ROBO1: variants seen among roughly 807,000 people sequenced by gnomAD.
ROBO1 encodes the protein roundabout guidance receptor 1, also known as roundabout homolog 1.
Under a neutral mutation model 195.9 loss-of-function variants are expected in ROBO1, and 149 were observed. The ratio of observed to expected loss-of-function variants is 0.76; its 90% CI spans 0.67 to 0.87. The LOEUF is 0.87. Ranked by LOEUF, ROBO1 falls within the 40% of genes least tolerant of loss-of-function variation. The probability of loss-of-function intolerance (pLI) is 0.00; values close to 1 mark genes in which losing one functional copy is unlikely to be tolerated. For synonymous variants in ROBO1, 816 were observed against 733.2 expected, an observed-to-expected ratio of 1.11 and a Z score of -1.82; for missense variants, 1,933 against 2,068.3, an observed-to-expected ratio of 0.93 and a Z score of 1.27.
chr3:79,574,473 C>G (rs376344786), intron 2 of ROBO1, among the ~76,000 whole-genome samples: 14 of 151,946 alleles, frequency 9.2e-5, no homozygotes, highest in African/African-American at 3.4e-4. Flanking sequence ...AGTAGTCAAT[C>G]AAAACATACT....
At chr3:79,374,438 C>T (rs985281705) in intron 2 of ROBO1, among the ~76,000 whole-genome samples, 1 of 152,090 alleles carries the variant, frequency 6.6e-6, no homozygotes, top group Non-Finnish European at 1.5e-5. Flanking sequence ...AATCTCCCCT[C>T]AAGCTACTTA....
intron 2 of ROBO1, among the ~76,000 whole-genome samples, chr3:79,474,936 G>A (rs1339163301): frequency 6.6e-6 from 1 of 151,954 alleles, no homozygotes; most frequent in African/African-American, 2.4e-5. Context: ...TAATTGCTAG[G>A]TGATTTTGGA....
intron 2 of ROBO1, among the ~76,000 whole-genome samples, chr3:79,420,318 C>T (rs1264512094): frequency 1.3e-5 from 2 of 152,076 alleles, no homozygotes; most frequent in East Asian, 3.9e-4. Flanking sequence ...TGAGAGTGAA[C>T]TAGAGAATCT....
intron 4 of ROBO1, among the ~76,000 whole-genome samples, chr3:78,799,445 C>G (rs533941792): frequency 6.6e-6 from 1 of 152,010 alleles, no homozygotes; most frequent in Non-Finnish European, 1.5e-5. Context: ...GGGTTCACGC[C>G]ATTCTCCTGC....
intron 4 of ROBO1, among the ~76,000 whole-genome samples, chr3:78,752,631 A>G (rs945013724): frequency 6.6e-6 from 1 of 152,184 alleles, no homozygotes; most frequent in Non-Finnish European, 1.5e-5. Context: ...AACTTTAAAA[A>G]ATATTCCAAC....
intron 2 of ROBO1, among the ~76,000 whole-genome samples, chr3:79,488,738 A>G (rs2107435402): frequency 6.6e-6 from 1 of 152,350 alleles, no homozygotes; most frequent in East Asian, 1.9e-4. Context: ...AGTCTAATGG[A>G]CATACACTGC....
At chr3:78,804,439 A>C (rs2108592240) in intron 4 of ROBO1, among the ~76,000 whole-genome samples, 1 of 152,192 alleles carries the variant, frequency 6.6e-6, no homozygotes, top group African/African-American at 2.4e-5. Flanking sequence ...ATACAACATA[A>C]TTAGGGAAAA....
At position 78,987,220 on chromosome 3, in the gene ROBO1, T is replaced by C. The variant is rs563476925; in HGVS notation, c.173-48293A>G. 6.2e-5 allele frequency among the ~76,000 whole-genome samples: 9 copies of C among 145,394 alleles called. No individual in the cohort carries two copies. In the South Asian group the frequency reaches 2.0e-3, roughly 32 times the overall value. On this transcript the variant is annotated intron_variant, in intron 3 of 30. Transcript: ENST00000464233. ...AAAAAGAAGAAGAAAAAAGAAAGAG[T>C]AAGATATTTAGAAATAGTTTTTTTT... is the stretch of plus-strand genomic sequence containing the variant.
intron 2 of ROBO1, among the ~76,000 whole-genome samples, chr3:79,304,626 A>G (rs2033136888): frequency 6.6e-6 from 1 of 152,184 alleles, no homozygotes; most frequent in Non-Finnish European, 1.5e-5. Flanking sequence ...ACATATATTT[A>G]TTATTTGCTT....
At chr3:78,983,248 G>A (rs145829090) in intron 3 of ROBO1, among the ~76,000 whole-genome samples, 1,778 of 152,240 alleles carry the variant, frequency 0.012, 32 homozygotes, top group Non-Finnish European at 0.015. Context: ...TCTGAGAAAG[G>A]GAAATTTGAA....
At chr3:79,225,318 T>A (rs1456828471) in intron 2 of ROBO1, among the ~76,000 whole-genome samples, 2 of 152,176 alleles carry the variant, frequency 1.3e-5, no homozygotes, top group Non-Finnish European at 2.9e-5. Context: ...TTGTTTAATG[T>A]TAGTCTTACT....
intron 2 of ROBO1, among the ~76,000 whole-genome samples, chr3:79,264,010 GC>G (rs1412740365): frequency 1.3e-5 from 2 of 152,088 alleles, no homozygotes; most frequent in African/African-American, 4.8e-5. Flanking sequence ...TCTTATACCA[GC>G]TTTTGCCCAG....
intron 3 of ROBO1, among the ~76,000 whole-genome samples, chr3:79,022,123 A>G (rs1472353333): frequency 6.6e-6 from 1 of 152,158 alleles, no homozygotes; most frequent in Non-Finnish European, 1.5e-5. Flanking sequence ...TTATATTGGT[A>G]AAGATGGCAT....
intron 3 of ROBO1, among the ~76,000 whole-genome samples, chr3:78,993,665 G>C (rs1176202653): frequency 6.6e-6 from 1 of 152,050 alleles, no homozygotes; most frequent in Non-Finnish European, 1.5e-5. Context: ...ACCAGATCGG[G>C]TGGCTGTGTT....
chr3:79,278,055 C>A (rs1664736466), intron 2 of ROBO1, among the ~76,000 whole-genome samples: 1 of 151,788 alleles, frequency 6.6e-6, no homozygotes, highest in African/African-American at 2.4e-5. Context: ...GTAAGACAAT[C>A]CTATTTACAA....
chr3:79,707,942 A>T (rs544076134), intron 1 of ROBO1, among the ~76,000 whole-genome samples: 1 of 152,330 alleles, frequency 6.6e-6, no homozygotes, highest in Admixed American at 6.5e-5. Context: ...AGTATAACAT[A>T]ACTTATATTG....
chr3:79,064,073 G>A (rs895339462), intron 3 of ROBO1, among the ~76,000 whole-genome samples: 3 of 151,746 alleles, frequency 2.0e-5, no homozygotes, highest in African/African-American at 7.3e-5. Flanking sequence ...ATGTTTCAAG[G>A]GAGCTGGAAG....
At chr3:79,284,395 A>C (rs573788647) in intron 2 of ROBO1, among the ~76,000 whole-genome samples, 160 of 152,264 alleles carry the variant, frequency 1.1e-3, no homozygotes, top group Non-Finnish European at 2.0e-3. Flanking sequence ...AGATGGGTTG[A>C]TGGGTGCAGC....
chr3:79,378,780 C>T (rs1039987869), intron 2 of ROBO1, among the ~76,000 whole-genome samples: 1 of 152,184 alleles, frequency 6.6e-6, no homozygotes, highest in African/African-American at 2.4e-5. Context: ...TGGTAATAGA[C>T]TTTTGCATCT....
Sources: allele counts gnomAD v4.1 joint callset (sites outside exome capture counted in the v4.1 genomes callset), GRCh38; gene constraint gnomAD v4.1.1; transcripts MANE v1.5; gene names NCBI Gene and HGNC (gene_info 2026-07-23, HGNC 2026-07-21).